The following AP2A2 variants were observed in gnomAD, a reference collection of about 807,000 sequenced individuals.
AP2A2 encodes AP-2 complex subunit alpha-2.
A neutral mutation model predicts 104.2 loss-of-function variants in AP2A2; 32 were observed. The observed-to-expected ratio is 0.31, with a 90% CI of 0.23 to 0.41. The LOEUF (loss-of-function observed/expected upper bound fraction) is 0.41, where lower values mean the gene tolerates loss of function less well. Ranked by LOEUF, AP2A2 falls within the 10% of genes least tolerant of loss-of-function variation. AP2A2 has a pLI of 1.00. For missense variants in AP2A2, 912 were observed against 1,261.0 expected, an observed-to-expected ratio of 0.72 and a Z score of 4.19; for synonymous variants, 539 against 533.3, an observed-to-expected ratio of 1.01 and a Z score of -0.15.
At position 1,011,596 on chromosome 11, in the gene AP2A2, C is replaced by T. The variant is rs759741882; in HGVS notation, c.*971C>T. ...ATCTGGACTCAGCACCCAGGCTGCA[C>T]GTCTGACACCTGAGAGGCGAGAGAG... On this transcript the variant is annotated 3_prime_UTR_variant, in exon 22 of 22. Transcript: ENST00000448903. The T allele has an allele frequency of 1.6e-5, 7 of 427,010 alleles. No individual in the cohort carries two copies. Among genetic ancestry groups the T allele is most frequent in the East Asian group, 6.6e-5 (1 of 15,160 alleles). The allele number at this position is 427,010 out of a possible 1,614,324, so 26.5% of individuals were successfully genotyped here.
intron 1 of AP2A2, chr11:932,660 A>G (rs1853328071): frequency 2.2e-6 from 1 of 455,756 alleles, no homozygotes; most frequent in Non-Finnish European, 4.4e-6. Context: ...CATGGTGGCT[A>G]TGGAGAGAAG....
intron 2 of AP2A2, among the ~76,000 whole-genome samples, chr11:963,863 A>T (rs7396700): frequency 2.0e-5 from 3 of 151,926 alleles, no homozygotes; most frequent in African/African-American, 7.3e-5. Flanking sequence ...TGGGCTCAAG[A>T]GATCGGTCTG....
chr11:972,871 C>T (rs138751325), intron 4 of AP2A2, among the ~76,000 whole-genome samples: 11 of 152,404 alleles, frequency 7.2e-5, no homozygotes, highest in East Asian at 1.9e-4. Context: ...AGCTCCTCCT[C>T]GTGCCCGTTC....
chr11:985,258 C>A, intron 7 of AP2A2, 177 bp from the exon 8 acceptor site: 2 of 803,270 alleles, frequency 2.5e-6, no homozygotes, highest in Non-Finnish European at 3.8e-6. Flanking sequence ...GCTGGGATTA[C>A]AGAAGTGAGC....
In AP2A2 at chr11:1,008,117, T is replaced by A; in HGVS notation, c.2402T>A (p.Val801Asp). The A allele has an allele frequency of 6.2e-7, 1 of 1,607,408 alleles. No homozygotes were observed. The highest frequency in any genetic ancestry group is 8.5e-7 in the Non-Finnish European group (1 of 1,177,652). Residue 801 changes from valine (V) to aspartate (D), a missense_variant, in exon 18 of 22, where the codon GTC becomes GAC. Physicochemically the swap from Val to Asp is radical, Grantham distance 152. Around this residue, in one of 7 missense-constraint regions of AP2A2, gnomAD observed 239 missense variants for 329.8 expected, o/e 0.72. Transcript: ENST00000448903. Reference protein sequence around the residue: ...ECVSDFTEAPVLNIQFRYGGT... With the variant: ...ECVSDFTEAPDLNIQFRYGGT... ...GTGTCCGACTTCACGGAGGCGCCAG[T>A]CCTCAACATTCAGTTCAGGTAAGAG...
At chr11:962,717 A>AG (rs1854483116) in intron 2 of AP2A2, among the ~76,000 whole-genome samples, 1 of 152,108 alleles carries the variant, frequency 6.6e-6, no homozygotes, top group Non-Finnish European at 1.5e-5. Context: ...TGGGAGACAC[A>AG]GCAAGACTCT....
intron 17 of AP2A2, chr11:1,007,102 C>G (rs1455687256): frequency 6.4e-6 from 1 of 155,512 alleles, no homozygotes; most frequent in African/African-American, 2.4e-5. Context: ...AGAACTTCCC[C>G]AGCTAAAACA....
chr11:944,453 G>A (rs1235224079), intron 1 of AP2A2, among the ~76,000 whole-genome samples: 2 of 152,188 alleles, frequency 1.3e-5, no homozygotes, highest in Non-Finnish European at 2.9e-5. Flanking sequence ...TTGCATTCTA[G>A]TGGACAGAGA....
intron 6 of AP2A2, among the ~76,000 whole-genome samples, chr11:983,527 C>CG (rs1564808352): frequency 6.6e-6 from 1 of 151,992 alleles, no homozygotes; most frequent in Non-Finnish European, 1.5e-5. Flanking sequence ...GGACTACAGG[C>CG]GCCCGCCACC....
At chr11:946,459 G>C (rs944152502) in intron 1 of AP2A2, 1 of 152,178 alleles carries the variant, frequency 6.6e-6, no homozygotes, top group African/African-American at 2.4e-5. Flanking sequence ...TCTGTGTCCA[G>C]TAAAACTGTC....
intron 1 of AP2A2, among the ~76,000 whole-genome samples, chr11:934,267 G>C (rs1433031202): frequency 2.6e-5 from 4 of 152,058 alleles, no homozygotes; most frequent in African/African-American, 4.8e-5. Context: ...ACTCTCCTTT[G>C]TTTCCCACTT....
Position 992,773 on chromosome 11 carries a change from G to A in AP2A2, c.1452+88G>A, listed in dbSNP as rs1343460014. The A allele has an allele frequency of 1.1e-5, 17 of 1,480,602 alleles. No individual in the cohort carries two copies. Among genetic ancestry groups the A allele is most frequent in the Non-Finnish European group, 1.6e-5 (17 of 1,072,926 alleles). The allele number at this position is 1,480,602 out of a possible 1,614,324, so 91.7% of individuals were successfully genotyped here. On this transcript the variant is annotated intron_variant, in intron 11 of 21. Transcript: ENST00000448903. This position sits in a 1 kb window ranked among gnomAD's most constrained non-coding sequence, Gnocchi z 6.4. ...GTGGTTCCAGCCTGCCTGCGTGGAG[G>A]TGCCGAGGGCCGTTGCTGACCCCTC...
intron 2 of AP2A2, among the ~76,000 whole-genome samples, chr11:962,659 G>T (rs1854481029): frequency 6.6e-6 from 1 of 152,114 alleles, no homozygotes; most frequent in South Asian, 2.1e-4. Flanking sequence ...CTTGAACTGG[G>T]AAGGCGGAGG....
At chr11:948,903 A>G (rs1853942438) in intron 1 of AP2A2, among the ~76,000 whole-genome samples, 1 of 152,152 alleles carries the variant, frequency 6.6e-6, no homozygotes, top group African/African-American at 2.4e-5. Context: ...AGATCTTGTC[A>G]CAAGAATAAG....
At position 972,268 on chromosome 11, in the gene AP2A2, C is replaced by T; in HGVS notation, c.473+13C>T. ...TCCTCGTAGCCGGGTATGTGCCGGGCTCGTGCCGGGCTCCTGCTGAAGATG... is the reference window on the plus strand; with the variant it reads ...TCCTCGTAGCCGGGTATGTGCCGGGTTCGTGCCGGGCTCCTGCTGAAGATG... On this transcript the variant is annotated intron_variant, in intron 4 of 21. Coordinates refer to ENST00000448903, the MANE Select transcript of AP2A2 (RefSeq NM_012305.4). The T allele has an allele frequency of 1.3e-6, 2 of 1,575,224 alleles. No homozygotes were observed. The highest frequency in any genetic ancestry group is 1.7e-4 in the Middle Eastern group (1 of 5,958).
intron 2 of AP2A2, among the ~76,000 whole-genome samples, chr11:965,632 C>T (rs935814822): frequency 1.3e-5 from 2 of 152,200 alleles, no homozygotes; most frequent in African/African-American, 4.8e-5. Flanking sequence ...GGAGCAGAGC[C>T]ATGCACAGCA....
At chr11:964,701 T>G (rs533444911) in intron 2 of AP2A2, among the ~76,000 whole-genome samples, 1 of 152,036 alleles carries the variant, frequency 6.6e-6, no homozygotes, top group South Asian at 2.1e-4. Context: ...ACAACAAAAA[T>G]GAAGCTAAAA....
chr11:973,270 G>A (rs1854896855), intron 4 of AP2A2, among the ~76,000 whole-genome samples: 1 of 152,172 alleles, frequency 6.6e-6, no homozygotes, highest in Non-Finnish European at 1.5e-5. Context: ...CGTGTCTTGG[G>A]GCATTTTTGG....
intron 2 of AP2A2, among the ~76,000 whole-genome samples, chr11:962,738 A>G (rs1358227546): frequency 6.6e-6 from 1 of 152,164 alleles, no homozygotes; most frequent in African/African-American, 2.4e-5. Flanking sequence ...GTCTCAAAAA[A>G]AAAAAAATTT....
Sources: allele counts gnomAD v4.1 joint callset (sites outside exome capture counted in the v4.1 genomes callset), GRCh38; gene constraint gnomAD v4.1.1; regional missense constraint gnomAD v4.1.1; non-coding constraint Gnocchi (gnomAD v3.1); transcripts MANE v1.5; gene names NCBI Gene and HGNC (gene_info 2026-07-23, HGNC 2026-07-21).